The following CASZ1 variants were observed in gnomAD, a reference collection of about 807,000 sequenced individuals.
The protein encoded by CASZ1 is zinc finger protein castor homolog 1.
A neutral mutation model predicts 135.2 loss-of-function variants in CASZ1; 28 were observed. The ratio of observed to expected loss-of-function variants is 0.21; its 90% CI spans 0.15 to 0.28. The LOEUF is 0.28. CASZ1 is among the 10% of genes least tolerant of loss of function. The pLI is 1.00. For synonymous variants in CASZ1, 1,068 were observed against 1,073.4 expected, an observed-to-expected ratio of 0.99 and a Z score of 0.10; for missense variants, 2,161 against 2,453.3, an observed-to-expected ratio of 0.88 and a Z score of 2.52.
At chr1:10,669,512 T>C (rs769183852) in intron 4 of CASZ1, among the ~76,000 whole-genome samples, 8 of 152,230 alleles carry the variant, frequency 5.3e-5, no homozygotes, top group Non-Finnish European at 1.2e-4. Context: ...GGCCCCGTTA[T>C]GGCATGAATC....
rs191778983 is a variant in CASZ1 at position 10,757,654 on chromosome 1, G to A, written c.-77+3047C>T. The stretch of plus-strand genomic sequence containing the variant: ...AACACTAAAATTAGCCAGGCATGGT[G>A]GCGCTTGCCTATAATCCCAGCCACT... On this transcript the variant is annotated intron_variant, in intron 2 of 20. Coordinates refer to ENST00000377022, the MANE Select transcript of CASZ1 (RefSeq NM_001079843.3). The surrounding 1 kb of genome is among the most constrained non-coding windows in gnomAD (Gnocchi z 4.6). 6.6e-6 allele frequency among the ~76,000 whole-genome samples: 1 copy of A among 152,284 alleles called. No homozygotes were observed. Among genetic ancestry groups the A allele is most frequent in the East Asian group, 1.9e-4 (1 of 5,192 alleles).
rs1225222255 is a variant in CASZ1, at chr1:10,747,984, G to GT, written c.-77+12716dup. 2.0e-5 allele frequency among the ~76,000 whole-genome samples: 3 copies of GT among 152,092 alleles called. No homozygotes were observed. Among genetic ancestry groups the GT allele is most frequent in the African/African-American group, 7.2e-5 (3 of 41,404 alleles). On this transcript the variant is annotated intron_variant, in intron 2 of 20. Transcript: ENST00000377022. This position sits in a 1 kb window ranked among gnomAD's most constrained non-coding sequence, Gnocchi z 4.3. ...GGCACCCGCCACCACGCCCGGCTAA[G>GT]TTTTTTGTATTTTTTAGTGGAGACG...
At chr1:10,698,255 T>C (rs1287029441) in intron 3 of CASZ1, among the ~76,000 whole-genome samples, 1 of 152,254 alleles carries the variant, frequency 6.6e-6, no homozygotes, top group East Asian at 1.9e-4. Flanking sequence ...TGAATATTTG[T>C]AAACTAGATA....
chr1:10,645,147 C>A, intron 17 of CASZ1, 59 bp from the exon 18 acceptor site: 2 of 1,515,820 alleles, frequency 1.3e-6, no homozygotes, highest in Non-Finnish European at 9.1e-7. Context: ...CTCCTGCCTG[C>A]CCCGGGCCTG....
intron 1 of CASZ1, among the ~76,000 whole-genome samples, chr1:10,773,523 G>A (rs1372237279): frequency 6.6e-6 from 1 of 152,122 alleles, no homozygotes; most frequent in Non-Finnish European, 1.5e-5. Context: ...GCGAGCGGGG[G>A]TTCCGAATCC....
At position 10,699,348 on chromosome 1, in the gene CASZ1, G is replaced by A. The variant is rs572265942; in HGVS notation, c.-23-5436C>T. 1.3e-5 allele frequency among the ~76,000 whole-genome samples: 2 copies of A among 152,188 alleles called. No individual in the cohort carries two copies. The highest frequency in any genetic ancestry group is 2.9e-5 in the Non-Finnish European group (2 of 68,032). ...GAAGTGCTGGCCACAACCCCAAACA[G>A]TAGCCCCTCCTCTTCCCCCAACCCC... is the stretch of plus-strand genomic sequence containing the variant. On this transcript the variant is annotated intron_variant, in intron 3 of 20. Coordinates refer to ENST00000377022, the MANE Select transcript of CASZ1 (RefSeq NM_001079843.3). This position sits in a 1 kb window ranked among gnomAD's most constrained non-coding sequence, Gnocchi z 4.6.
Position 10,653,524 on chromosome 1 carries a change from C to T in CASZ1, c.2533G>A (p.Gly845Arg), listed in dbSNP as rs746715386. ...GCGGCAGCCACGGGGGCTGAGTCTCCAGCTCCCGAGGCGACCAGCGTGGGT... is the reference window on the plus strand; with the variant it reads ...GCGGCAGCCACGGGGGCTGAGTCTCTAGCTCCCGAGGCGACCAGCGTGGGT... Reference protein sequence around the residue: ...DTPTLVASGAGDSAPVAAASV... With the variant: ...DTPTLVASGARDSAPVAAASV... The change falls in exon 11 of 21, where the codon GGA becomes AGA. Residue 845 changes from glycine (G) to arginine (R), a missense_variant. Around this residue, in one of 7 missense-constraint regions of CASZ1, gnomAD observed 406 missense variants for 387.6 expected, o/e 1.05. Transcript: ENST00000377022. 1.9e-6 allele frequency: 3 copies of T among 1,606,798 alleles called. No homozygotes were observed. The highest frequency in any genetic ancestry group is 1.1e-5 in the South Asian group (1 of 90,460).
In CASZ1 at chr1:10,638,838, G is replaced by C; in HGVS notation, c.*104C>G. Reference sequence around the variant, plus strand: ...CCTGAGACGGACTCGGGGTCCGGAAGCACCGGCGGGGCGCGGGGCTCTGCC... The same window carrying C: ...CCTGAGACGGACTCGGGGTCCGGAACCACCGGCGGGGCGCGGGGCTCTGCC... On this transcript the variant is annotated 3_prime_UTR_variant, in exon 21 of 21. Coordinates refer to ENST00000377022, the MANE Select transcript of CASZ1 (RefSeq NM_001079843.3). The surrounding 1 kb of genome is among the most constrained non-coding windows in gnomAD (Gnocchi z 5.9). The C allele has an allele frequency of 1.0e-6, 1 of 960,032 alleles. No individual in the cohort carries two copies. Among genetic ancestry groups the C allele is most frequent in the Non-Finnish European group, 1.2e-6 (1 of 807,376 alleles). The allele number at this position is 960,032 out of a possible 1,614,324, so 59.5% of individuals were successfully genotyped here.
rs527599835 is a variant in CASZ1, at chr1:10,726,281, G to A, written c.-76-20737C>T. On this transcript the variant is annotated intron_variant, in intron 2 of 20. Coordinates refer to ENST00000377022, the MANE Select transcript of CASZ1 (RefSeq NM_001079843.3). The surrounding 1 kb of genome is among the most constrained non-coding windows in gnomAD (Gnocchi z 5.7). The stretch of plus-strand genomic sequence containing the variant: ...CACCACTGTTCATGCCCTCATTTAC[G>A]GAGGAGGAAATGAGGCTTGGGGAGG... Among the ~76,000 whole-genome samples, 362 of 152,252 alleles carry A rather than the reference G, an allele frequency of 2.4e-3. 1 individual carries two copies. Among genetic ancestry groups the A allele is most frequent in the African/African-American group, 7.8e-3 (326 of 41,550 alleles).
chr1:10,749,085 C>CGGGGCCCTGCACAGACAGCA (rs1553139462), intron 2 of CASZ1, among the ~76,000 whole-genome samples: 33 of 152,138 alleles, frequency 2.2e-4, no homozygotes, highest in Non-Finnish European at 7.4e-5. Flanking sequence ...AGAAGCAGTC[C>CGGGGCCCTGCACAGACAGCA]GGGGCCCTGC....
chr1:10,693,974 G>C, intron 3 of CASZ1, 62 bp from the exon 4 acceptor site: 1 of 1,519,672 alleles, frequency 6.6e-7, no homozygotes, highest in African/African-American at 1.4e-5. Context: ...GCGTCTCGCG[G>C]GACCCCGGCC....
intron 1 of CASZ1, among the ~76,000 whole-genome samples, chr1:10,782,624 C>T (rs1438291099): frequency 1.3e-5 from 2 of 152,124 alleles, no homozygotes; most frequent in South Asian, 2.1e-4. Flanking sequence ...AGTCTCCAAT[C>T]GTGCTGAGCA....
chr1:10,722,009 C>T (rs1255639694), intron 2 of CASZ1, among the ~76,000 whole-genome samples: 1 of 152,122 alleles, frequency 6.6e-6, no homozygotes, highest in Non-Finnish European at 1.5e-5. Flanking sequence ...TGAGGCACAG[C>T]AGAGCATCTG....
At position 10,653,444 on chromosome 1, in the gene CASZ1, G is replaced by A; in HGVS notation, c.2613C>T (p.Gly871=). ...GCCTGGCCATCATGGGCGAGATGAG[G>A]CCCTTGCTTGCAGAGATCCTCTCCA... is the stretch of plus-strand genomic sequence containing the variant. ...SIMERISASK[G]LISPMMARLA... The change falls in exon 11 of 21, where the codon GGC becomes GGT. Residue 871 remains glycine (G), a synonymous_variant. Transcript: ENST00000377022. 6.2e-7 allele frequency: 1 copy of A among 1,613,346 alleles called. No homozygotes were observed.
chr1:10,678,571 A>G (rs1472347245), intron 4 of CASZ1, among the ~76,000 whole-genome samples: 1 of 151,994 alleles, frequency 6.6e-6, no homozygotes, highest in South Asian at 2.1e-4. Flanking sequence ...GTTCACGCAC[A>G]CTCGCTCCCT....
At chr1:10,742,196 A>T (rs1639937425) in intron 2 of CASZ1, among the ~76,000 whole-genome samples, 1 of 152,216 alleles carries the variant, frequency 6.6e-6, no homozygotes, top group African/African-American at 2.4e-5. Context: ...CGCTTTTCAG[A>T]AAGCAAGAAC....
intron 2 of CASZ1, among the ~76,000 whole-genome samples, chr1:10,745,987 G>C (rs1640033043): frequency 1.3e-5 from 2 of 152,272 alleles, no homozygotes; most frequent in Non-Finnish European, 2.9e-5. Context: ...TGCTGGGTGA[G>C]AGGTCTGCCA....
chr1:10,665,014 C>T (rs1348686842), intron 5 of CASZ1, 69 bp downstream of exon 5: 2 of 1,450,238 alleles, frequency 1.4e-6, no homozygotes, highest in African/African-American at 2.9e-5. Flanking sequence ...GCTTACCAGA[C>T]ACACTGCCCC....
chr1:10,688,640 T>C (rs1453197272), intron 4 of CASZ1, among the ~76,000 whole-genome samples: 2 of 152,050 alleles, frequency 1.3e-5, no homozygotes, highest in Non-Finnish European at 1.5e-5. Context: ...CTCATTTCCG[T>C]CCCTCTTGCT....
Sources: allele counts gnomAD v4.1 joint callset (sites outside exome capture counted in the v4.1 genomes callset), GRCh38; gene constraint gnomAD v4.1.1; regional missense constraint gnomAD v4.1.1; non-coding constraint Gnocchi (gnomAD v3.1); transcripts MANE v1.5; gene names NCBI Gene and HGNC (gene_info 2026-07-23, HGNC 2026-07-21).